The following PIK3C2G variants were observed in gnomAD, a reference collection of about 807,000 sequenced individuals.
PIK3C2G encodes the protein phosphatidylinositol 3-kinase C2 domain-containing subunit gamma.
Under a neutral mutation model 181.1 loss-of-function variants are expected in PIK3C2G, and 168 were observed. The observed-to-expected ratio is 0.93, with a 90% CI of 0.82 to 1.05. The LOEUF is 1.05. Ranked by LOEUF, PIK3C2G falls within the 50% of genes least tolerant of loss-of-function variation. PIK3C2G has a pLI of 0.00. For missense variants in PIK3C2G, 1,869 were observed against 1,732.8 expected, an observed-to-expected ratio of 1.08 and a Z score of -1.40; for synonymous variants, 573 against 592.2, an observed-to-expected ratio of 0.97 and a Z score of 0.47.
the PIK3C2G span, among the ~76,000 whole-genome samples, chr12:18,724,863 T>C: frequency 2.6e-5 from 4 of 152,256 alleles, no homozygotes; most frequent in African/African-American, 7.2e-5. Flanking sequence ...TAAAAAATTA[T>C]GGTTCTACTG....
chr12:18,690,387 CTAAG>C, the PIK3C2G span, among the ~76,000 whole-genome samples: 1 of 152,058 alleles, frequency 6.6e-6, no homozygotes, highest in Non-Finnish European at 1.5e-5. Flanking sequence ...CCATGCCCAG[CTAAG>C]TTTTTGTATG....
At chr12:18,642,351 T>G (rs1378620372) in intron 32 of PIK3C2G, among the ~76,000 whole-genome samples, 1 of 152,230 alleles carries the variant, frequency 6.6e-6, no homozygotes, top group African/African-American at 2.4e-5. Flanking sequence ...ATTCCAGTAC[T>G]ATTTGTTGAA....
At chr12:18,676,048 A>G in the PIK3C2G span, among the ~76,000 whole-genome samples, 1 of 152,118 alleles carries the variant, frequency 6.6e-6, no homozygotes, top group Admixed American at 6.6e-5. Context: ...AAAAAATTAT[A>G]CCATCAACAC....
the PIK3C2G span, among the ~76,000 whole-genome samples, chr12:18,697,875 G>C: frequency 5.1e-4 from 59 of 115,538 alleles, no homozygotes; most frequent in East Asian, 0.01. Context: ...AGACATCATT[G>C]ATTATTTACT....
At chr12:18,292,391 C>T (rs1005764521) in intron 4 of PIK3C2G, among the ~76,000 whole-genome samples, 5 of 151,702 alleles carry the variant, frequency 3.3e-5, no homozygotes, top group Admixed American at 3.3e-4. Flanking sequence ...ATATTCCTCT[C>T]ACTCTCTGAT....
At chr12:18,600,733 A>G (rs187578518) in intron 30 of PIK3C2G, among the ~76,000 whole-genome samples, 3 of 152,144 alleles carry the variant, frequency 2.0e-5, no homozygotes, top group Non-Finnish European at 4.4e-5. Context: ...GGAAAAAAAA[A>G]TTTACTTGGC....
At chr12:18,680,966 T>C in the PIK3C2G span, among the ~76,000 whole-genome samples, 1 of 152,088 alleles carries the variant, frequency 6.6e-6, no homozygotes, top group Non-Finnish European at 1.5e-5. Context: ...TAGTCATTTA[T>C]GTCAGCCAGG....
At chr12:18,511,342 C>A (rs1942192846) in intron 24 of PIK3C2G, among the ~76,000 whole-genome samples, 1 of 152,026 alleles carries the variant, frequency 6.6e-6, no homozygotes, top group African/African-American at 2.4e-5. Flanking sequence ...AAGAAATACC[C>A]AGGAGCGAGA....
chr12:18,350,069 T>C (rs1425033002), intron 11 of PIK3C2G, among the ~76,000 whole-genome samples: 1 of 152,060 alleles, frequency 6.6e-6, no homozygotes, highest in Non-Finnish European at 1.5e-5. Context: ...TACAGGAAGG[T>C]AGACCAGGAG....
chr12:18,633,039 T>C (rs1321852642), intron 31 of PIK3C2G, among the ~76,000 whole-genome samples: 1 of 152,176 alleles, frequency 6.6e-6, no homozygotes, highest in Non-Finnish European at 1.5e-5. Flanking sequence ...TCCTTACTCT[T>C]CAAGTAAAGA....
chr12:18,334,635 G>A (rs146221880), intron 8 of PIK3C2G, among the ~76,000 whole-genome samples: 2 of 151,270 alleles, frequency 1.3e-5, no homozygotes, highest in Non-Finnish European at 2.9e-5. Flanking sequence ...TTTTTTCTCT[G>A]TCTACATTCT....
intron 18 of PIK3C2G, among the ~76,000 whole-genome samples, chr12:18,431,441 A>G (rs1592242830): frequency 6.6e-6 from 1 of 152,250 alleles, no homozygotes; most frequent in Non-Finnish European, 1.5e-5. Context: ...AGTTTTGCCT[A>G]TGACCTTTTC....
At chr12:18,673,566 A>C in the PIK3C2G span, among the ~76,000 whole-genome samples, 1 of 152,204 alleles carries the variant, frequency 6.6e-6, no homozygotes, top group African/African-American at 2.4e-5. Flanking sequence ...GACCTATTCT[A>C]CTAGTTATCT....
intron 18 of PIK3C2G, among the ~76,000 whole-genome samples, chr12:18,475,074 G>A (rs1292883332): frequency 1.3e-5 from 2 of 151,990 alleles, no homozygotes; most frequent in Non-Finnish European, 2.9e-5. Flanking sequence ...ATGGTCCGGT[G>A]TGAAAAGACT....
intron 1 of PIK3C2G, among the ~76,000 whole-genome samples, chr12:18,269,036 AG>A (rs770237636): frequency 2.6e-4 from 40 of 151,956 alleles, no homozygotes; most frequent in Non-Finnish European, 4.9e-4. Context: ...TCAGCCTCCC[AG>A]GTAGCTGGGA....
intron 5 of PIK3C2G, among the ~76,000 whole-genome samples, chr12:18,301,604 A>T (rs187267423): frequency 6.7e-6 from 1 of 149,746 alleles, no homozygotes; most frequent in East Asian, 2.0e-4. Flanking sequence ...TCTTATTTAG[A>T]TCCTGAATTG....
At chr12:18,388,772 CTG>C (rs1440009122) in intron 14 of PIK3C2G, among the ~76,000 whole-genome samples, 1 of 152,138 alleles carries the variant, frequency 6.6e-6, no homozygotes, top group Non-Finnish European at 1.5e-5. Flanking sequence ...TGGTGGCCAA[CTG>C]TGAATGACAA....
the PIK3C2G span, among the ~76,000 whole-genome samples, chr12:18,707,820 C>T: frequency 6.6e-6 from 1 of 152,060 alleles, no homozygotes. Context: ...ATTGAGTCTC[C>T]ACTGCTCAAA....
rs1317987600 is a variant in PIK3C2G, at chr12:18,373,072, GACA to G, written c.1880+1763_1880+1765del. ...GAAAATCTGCTTTTCTCCTGTGCTA[GACA>G]ATTTAAGGAAATAAAGATATTTTTA... On this transcript the variant is annotated intron_variant, in intron 13 of 32. Transcript: ENST00000538779. 7.2e-5 allele frequency among the ~76,000 whole-genome samples: 11 copies of G among 152,248 alleles called. No homozygotes were observed. The South Asian group carries it at 1.0e-3, about 14-fold the overall frequency.
Sources: gnomAD v4.1 joint callset for allele counts (sites outside exome capture counted in the v4.1 genomes callset) on GRCh38, gnomAD v4.1.1 for gene constraint, MANE v1.5 for transcripts, NCBI Gene and HGNC (gene_info 2026-07-23, HGNC 2026-07-21) for gene names.